LRRC74A: variants seen among roughly 807,000 people sequenced by gnomAD.
The protein encoded by LRRC74A is leucine rich repeat containing 74A.
A neutral mutation model predicts 57.9 loss-of-function variants in LRRC74A; 44 were observed. The ratio of observed to expected loss-of-function variants is 0.76; its 90% CI spans 0.60 to 0.98. LRRC74A has a LOEUF of 0.98. Among genes scored for constraint, LRRC74A ranks in the 50% least tolerant of loss-of-function variants. The pLI, the probability that LRRC74A is intolerant of heterozygous loss-of-function variation, is 0.00. For missense variants in LRRC74A, 572 were observed against 574.0 expected, an observed-to-expected ratio of 1.00 and a Z score of 0.04; for synonymous variants, 211 against 219.4, an observed-to-expected ratio of 0.96 and a Z score of 0.34.
At chr14:76,834,140 G>C (rs1487261293) in intron 3 of LRRC74A, among the ~76,000 whole-genome samples, 1 of 152,208 alleles carries the variant, frequency 6.6e-6, no homozygotes, top group African/African-American at 2.4e-5. Flanking sequence ...TTTAGCATTT[G>C]TGTGCACTTT....
At chr14:76,861,695 C>A (rs1184376921) in intron 11 of LRRC74A, among the ~76,000 whole-genome samples, 2 of 152,238 alleles carry the variant, frequency 1.3e-5, no homozygotes, top group East Asian at 1.9e-4. Context: ...TATTGCTCCT[C>A]TAGTCCCATT....
chr14:76,846,308 A>G (rs996806687), intron 7 of LRRC74A, among the ~76,000 whole-genome samples: 4 of 152,208 alleles, frequency 2.6e-5, no homozygotes, highest in Admixed American at 2.6e-4. Context: ...CGAAATAAGA[A>G]TACTTCAAGC....
At chr14:76,849,103 C>G (rs965814786) in intron 7 of LRRC74A, among the ~76,000 whole-genome samples, 11 of 152,140 alleles carry the variant, frequency 7.2e-5, no homozygotes, top group African/African-American at 2.7e-4. Context: ...GTTTGAGTCT[C>G]TGTCTGAAAA....
chr14:76,866,726 C>T (rs11621235), intron 12 of LRRC74A, among the ~76,000 whole-genome samples: 142,910 of 151,734 alleles, frequency 0.94, 67,629 homozygotes, highest in Non-Finnish European at 1. Flanking sequence ...TTCCCTCCCC[C>T]GGTCACTCGC....
chr14:76,827,366 G>A (rs17104901), intron 1 of LRRC74A, among the ~76,000 whole-genome samples: 3,496 of 152,232 alleles, frequency 0.023, 110 homozygotes, highest in East Asian at 0.15. Flanking sequence ...AATCTGGGTG[G>A]TCAAAACTTG....
rs1307203728 is a variant in LRRC74A at position 76,867,404 on chromosome 14, A to G, written c.1357A>G (p.Lys453Glu). ...NQYQVREVIKKLDEKTGMVNF... is the reference protein window; with the variant it reads ...NQYQVREVIKELDEKTGMVNF... ...GTACCAGGTCAGGGAGGTGATAAAGAAGCTCGATGAGAAGACAGGCATGGT... is the reference window on the plus strand; with the variant it reads ...GTACCAGGTCAGGGAGGTGATAAAGGAGCTCGATGAGAAGACAGGCATGGT... The change falls in exon 13 of 14, where the codon AAG becomes GAG. Residue 453 changes from lysine to glutamate, a missense_variant. Physicochemically the swap from Lys to Glu is moderately conservative, Grantham distance 56. Transcript: ENST00000689127. The G allele has an allele frequency of 9.4e-6, 15 of 1,603,872 alleles. No individual in the cohort carries two copies. Among genetic ancestry groups the G allele is most frequent in the African/African-American group, 1.3e-5 (1 of 74,522 alleles).
At chr14:76,843,309 A>C (rs1292357945) in intron 5 of LRRC74A, among the ~76,000 whole-genome samples, 1 of 66,252 alleles carries the variant, frequency 1.5e-5, no homozygotes, top group Non-Finnish European at 3.9e-5. Context: ...AAAAAAAAAA[A>C]AAAAAAAAAA....
rs768811958 is a variant in LRRC74A at position 76,867,426 on chromosome 14, TG to T, written c.1381del (p.Val461Ter). On this transcript the variant is annotated frameshift_variant, in exon 13 of 14. Coordinates refer to ENST00000689127, the MANE Select transcript of LRRC74A (RefSeq NM_001385106.1). LOFTEE classifies it high-confidence loss of function. ...VIKKLDEKTGMVNFSFLNTMK... is the reference protein window; with the variant it reads ...VIKKLDEKTGXVNFSFLNTMK... ...AAGAAGCTCGATGAGAAGACAGGCA[TG>T]GTGAACTTCAGGTCAGCCCAGGCCC... The T allele has an allele frequency of 2.1e-5, 33 of 1,590,224 alleles. No homozygotes were observed. Among genetic ancestry groups the T allele is most frequent in the Non-Finnish European group, 2.8e-5 (32 of 1,159,540 alleles).
At chr14:76,867,293 G>C in intron 12 of LRRC74A, 63 bp from the exon 13 acceptor site, 1 of 528,482 alleles carries the variant, frequency 1.9e-6, no homozygotes, top group East Asian at 4.9e-5. Flanking sequence ...TGTTTGGGGG[G>C]GTGTGCCTAG....
intron 1 of LRRC74A, among the ~76,000 whole-genome samples, chr14:76,827,976 C>T (rs1487647434): frequency 6.6e-6 from 1 of 152,206 alleles, no homozygotes. Flanking sequence ...CCCACCCAAA[C>T]ACTTAAGAAT....
intron 5 of LRRC74A, among the ~76,000 whole-genome samples, chr14:76,838,681 T>A (rs1896540865): frequency 6.6e-6 from 1 of 152,178 alleles, no homozygotes; most frequent in Non-Finnish European, 1.5e-5. Flanking sequence ...AATCCACACT[T>A]GATTATATCT....
intron 5 of LRRC74A, among the ~76,000 whole-genome samples, chr14:76,841,994 G>T (rs976336944): frequency 1.3e-5 from 2 of 152,122 alleles, no homozygotes; most frequent in South Asian, 4.1e-4. Context: ...TTACAGGTGT[G>T]AGCTACTGTG....
chr14:76,851,362 A>C (rs1291368735), intron 7 of LRRC74A, among the ~76,000 whole-genome samples: 1 of 152,076 alleles, frequency 6.6e-6, no homozygotes, highest in Non-Finnish European at 1.5e-5. Flanking sequence ...TCTTGCTTTT[A>C]TTTATTTATT....
Position 76,835,880 on chromosome 14 carries a change from T to C in LRRC74A, c.340-327T>C, listed in dbSNP as rs1247563753. ...TATCCTTATTCAATGTATCAAGTTT[T>C]CCTTAATCTTGGAGTAGGTCACAGT... On this transcript the variant is annotated intron_variant, in intron 3 of 13. Coordinates refer to ENST00000689127, the MANE Select transcript of LRRC74A (RefSeq NM_001385106.1). 2.6e-5 allele frequency among the ~76,000 whole-genome samples: 4 copies of C among 152,244 alleles called. No individual in the cohort carries two copies. In the East Asian group the frequency reaches 7.7e-4, roughly 29 times the overall value.
At chr14:76,843,311 A>G (rs943480094) in intron 5 of LRRC74A, among the ~76,000 whole-genome samples, 29 of 68,134 alleles carry the variant, frequency 4.3e-4, no homozygotes, top group African/African-American at 1.1e-3. Context: ...AAAAAAAAAA[A>G]AAAAAAAAAA....
intron 12 of LRRC74A, among the ~76,000 whole-genome samples, chr14:76,866,611 A>T (rs1664268380): frequency 6.6e-6 from 1 of 152,054 alleles, no homozygotes; most frequent in African/African-American, 2.4e-5. Flanking sequence ...GCAGGGACGG[A>T]TAAGGCAGTC....
chr14:76,850,844 C>CAAAAAAAAAAAAA (rs36208311), intron 7 of LRRC74A, among the ~76,000 whole-genome samples: 1 of 130,846 alleles, frequency 7.6e-6, no homozygotes, highest in Non-Finnish European at 1.6e-5. Context: ...AACTCTGTCT[C>CAAAAAAAAAAAAA]AAAAAAAAAA....
At chr14:76,840,717 G>C (rs538831876) in intron 5 of LRRC74A, among the ~76,000 whole-genome samples, 59 of 151,758 alleles carry the variant, frequency 3.9e-4, no homozygotes, top group African/African-American at 1.4e-3. Flanking sequence ...CCGAGTAGCG[G>C]GGACTACAGG....
chr14:76,855,765 G>A (rs1404829034), intron 9 of LRRC74A, among the ~76,000 whole-genome samples: 1 of 152,206 alleles, frequency 6.6e-6, no homozygotes, highest in African/African-American at 2.4e-5. Context: ...TATACTAGGG[G>A]CTCAGTAAGA....
Sources: allele counts gnomAD v4.1 joint callset (sites outside exome capture counted in the v4.1 genomes callset), GRCh38; gene constraint gnomAD v4.1.1; transcripts MANE v1.5; gene names NCBI Gene and HGNC (gene_info 2026-07-23, HGNC 2026-07-21).